LARGE1: variants seen among roughly 807,000 people sequenced by gnomAD.
LARGE1 encodes xylosyl- and glucuronyltransferase LARGE1.
A neutral mutation model predicts 87.6 loss-of-function variants in LARGE1; 43 were observed. The ratio of observed to expected loss-of-function variants is 0.49; its 90% confidence interval spans 0.38 to 0.63. The LOEUF is 0.63. LARGE1 is among the 30% of genes least tolerant of loss of function. The pLI is 0.00. For synonymous variants in LARGE1, 434 were observed against 394.6 expected (o/e 1.10, Z -1.18); for missense variants, 802 against 1,000.2 (o/e 0.80, Z 2.67).
chr22:33,876,276 A>G (rs1228684773), intron 1 of LARGE1, among the ~76,000 whole-genome samples: 2 of 152,042 alleles, frequency 1.3e-5, no homozygotes, highest in South Asian at 2.1e-4. Flanking sequence ...AACTCCAACC[A>G]TTGGGATTTG....
chr22:33,216,444 C>T (rs1470054141), intron 11 of LARGE1, among the ~76,000 whole-genome samples: 1 of 151,994 alleles, frequency 6.6e-6, no homozygotes, highest in African/African-American at 2.4e-5. Context: ...CTGGCTAACA[C>T]AGTGAAACCC....
At chr22:33,358,959 T>C (rs570714526) in intron 9 of LARGE1, among the ~76,000 whole-genome samples, 2 of 150,744 alleles carry the variant, frequency 1.3e-5, no homozygotes, top group East Asian at 1.9e-4. Flanking sequence ...GACTGCACTA[T>C]TGCACTCCAG....
At chr22:33,304,531 C>A (rs1289720925) in intron 11 of LARGE1, 24 bp from the exon 12 acceptor site, 2 of 1,551,642 alleles carry the variant, frequency 1.3e-6, no homozygotes, top group Non-Finnish European at 1.7e-6. Context: ...GGAGGGTGAG[C>A]CGCGGGACCT....
intron 6 of LARGE1, among the ~76,000 whole-genome samples, chr22:33,558,121 T>C (rs2077748962): frequency 1.3e-5 from 2 of 152,176 alleles, no homozygotes; most frequent in South Asian, 4.1e-4. Flanking sequence ...GTTTAGGAAC[T>C]GTCAGGAGTG....
the LARGE1 span, among the ~76,000 whole-genome samples, chr22:33,075,661 T>C: frequency 6.6e-6 from 1 of 152,234 alleles, no homozygotes; most frequent in African/African-American, 2.4e-5. Flanking sequence ...ACAATTCTTA[T>C]TTACTCAATG....
At chr22:33,804,610 C>T (rs2086255540) in intron 1 of LARGE1, among the ~76,000 whole-genome samples, 1 of 152,206 alleles carries the variant, frequency 6.6e-6, no homozygotes, top group Admixed American at 6.5e-5. Context: ...AAGCCAGCTG[C>T]ATATCTGTGT....
intron 2 of LARGE1, among the ~76,000 whole-genome samples, chr22:33,740,525 G>T (rs192926350): frequency 4.6e-5 from 7 of 152,224 alleles, no homozygotes; most frequent in Non-Finnish European, 1.0e-4. Context: ...TTTTCATCAG[G>T]ACAGAAACTA....
chr22:33,278,218 T>G (rs1228590184), intron 13 of LARGE1, among the ~76,000 whole-genome samples: 3 of 152,188 alleles, frequency 2.0e-5, no homozygotes, highest in African/African-American at 7.2e-5. Flanking sequence ...GAGCAGTCCC[T>G]GGCCAAAAGC....
intron 11 of LARGE1, among the ~76,000 whole-genome samples, chr22:33,228,865 G>A (rs975792131): frequency 5.9e-5 from 9 of 151,988 alleles, no homozygotes; most frequent in African/African-American, 2.2e-4. Context: ...TAGACAAAGG[G>A]GTAGGTGGAG....
At chr22:33,624,759 T>C (rs1223680132) in intron 4 of LARGE1, among the ~76,000 whole-genome samples, 2 of 152,214 alleles carry the variant, frequency 1.3e-5, no homozygotes, top group East Asian at 3.9e-4. Flanking sequence ...ATGTGCCTGT[T>C]TGAAATGTCA....
At chr22:33,820,299 C>T (rs1175020783) in intron 1 of LARGE1, among the ~76,000 whole-genome samples, 1 of 152,014 alleles carries the variant, frequency 6.6e-6, no homozygotes, top group Non-Finnish European at 1.5e-5. Context: ...TAGCATATTG[C>T]CATAACTTCT....
intron 7 of LARGE1, among the ~76,000 whole-genome samples, chr22:33,411,957 G>A (rs914841605): frequency 8.5e-5 from 13 of 152,198 alleles, no homozygotes; most frequent in African/African-American, 2.9e-4. Context: ...ACTGCAAACT[G>A]TCAACAGTAC....
chr22:33,247,946 C>G (rs1042615513), intron 11 of LARGE1, among the ~76,000 whole-genome samples: 4 of 152,130 alleles, frequency 2.6e-5, no homozygotes, highest in Non-Finnish European at 5.9e-5. Context: ...CAACCCTGGA[C>G]CAGGGAATTT....
At chr22:33,438,888 C>G (rs1247433759) in intron 6 of LARGE1, among the ~76,000 whole-genome samples, 2 of 152,114 alleles carry the variant, frequency 1.3e-5, no homozygotes, top group African/African-American at 2.4e-5. Context: ...CTATCTCTGA[C>G]CTCTAAGAAT....
chr22:33,467,981 T>C (rs1051858384), intron 6 of LARGE1, among the ~76,000 whole-genome samples: 2 of 152,174 alleles, frequency 1.3e-5, no homozygotes, highest in African/African-American at 4.8e-5. Flanking sequence ...GTGACCTCAA[T>C]GTTCGGGCAA....
In LARGE1 at chr22:33,797,000, G is replaced by A. The variant is rs554148181; in HGVS notation, c.-82-35442C>T. On this transcript the variant is annotated intron_variant, in intron 1 of 14. Transcript: ENST00000397394. ...GCTGGTCTTGAACTCCTGACCTCAA[G>A]TGATCCGCCTGCCTCAGCCTCCCAA... 9.3e-4 allele frequency among the ~76,000 whole-genome samples: 141 copies of A among 152,180 alleles called. 2 individuals carry two copies. The highest frequency in any genetic ancestry group is 1.9e-3 in the Non-Finnish European group (127 of 68,000).
intron 2 of LARGE1, among the ~76,000 whole-genome samples, chr22:33,719,520 T>TTTATTTAC (rs2083018645): frequency 6.6e-6 from 1 of 150,870 alleles, no homozygotes; most frequent in Non-Finnish European, 1.5e-5. Context: ...TATTTATTTA[T>TTTATTTAC]TTATTTATTT....
intron 1 of LARGE1, among the ~76,000 whole-genome samples, chr22:33,875,925 G>A (rs1191465416): frequency 3.3e-5 from 5 of 152,286 alleles, no homozygotes; most frequent in Non-Finnish European, 5.9e-5. Flanking sequence ...CTGGGCTCTG[G>A]GATGCAGAGC....
intron 2 of LARGE1, among the ~76,000 whole-genome samples, chr22:33,660,754 C>T (rs2081098653): frequency 6.6e-6 from 1 of 152,250 alleles, no homozygotes; most frequent in Non-Finnish European, 1.5e-5. Context: ...TGAGTGTCCT[C>T]AATGTGGCTA....
Sources: gnomAD v4.1 joint callset for allele counts (sites outside exome capture counted in the v4.1 genomes callset) on GRCh38, gnomAD v4.1.1 for gene constraint, MANE v1.5 for transcripts, NCBI Gene and HGNC (gene_info 2026-07-23, HGNC 2026-07-21) for gene names.